The following SGCZ variants were observed in gnomAD, a reference collection of about 807,000 sequenced individuals.
SGCZ encodes the protein sarcoglycan zeta.
A neutral mutation model predicts 41.3 loss-of-function variants in SGCZ; 40 were observed. The ratio of observed to expected loss-of-function variants is 0.97; its 90% CI spans 0.75 to 1.26. The LOEUF (loss-of-function observed/expected upper bound fraction) is 1.26. Among genes scored for constraint, SGCZ ranks in the 50% most tolerant of loss-of-function variants. The pLI is 0.00. For synonymous variants in SGCZ, 206 were observed against 137.5 expected (o/e 1.50, Z -3.49); for missense variants, 552 against 369.8 (o/e 1.49, Z -4.04).
At chr8:14,449,620 G>A (rs1187496157) in intron 2 of SGCZ, among the ~76,000 whole-genome samples, 2 of 152,114 alleles carry the variant, frequency 1.3e-5, no homozygotes, top group South Asian at 2.1e-4. Flanking sequence ...ACAGTATGAA[G>A]CATCCTCATA....
chr8:14,519,640 T>C (rs1181350390), intron 2 of SGCZ, among the ~76,000 whole-genome samples: 1 of 152,122 alleles, frequency 6.6e-6, no homozygotes, highest in Non-Finnish European at 1.5e-5. Context: ...TCCTGGCCTC[T>C]CTACCTTTCT....
intron 1 of SGCZ, among the ~76,000 whole-genome samples, chr8:15,042,812 G>C (rs530135623): frequency 6.6e-6 from 1 of 152,132 alleles, no homozygotes; most frequent in Admixed American, 6.5e-5. Context: ...CAAACAAGAA[G>C]AGTTTTCGCT....
At chr8:15,215,421 C>T (rs1184884848) in intron 1 of SGCZ, among the ~76,000 whole-genome samples, 1 of 152,134 alleles carries the variant, frequency 6.6e-6, no homozygotes, top group Non-Finnish European at 1.5e-5. Flanking sequence ...CATATTTTTA[C>T]AGGCACTGTT....
intron 4 of SGCZ, among the ~76,000 whole-genome samples, chr8:14,180,728 A>C (rs1321598719): frequency 3.9e-5 from 6 of 152,048 alleles, no homozygotes; most frequent in Admixed American, 3.9e-4. Context: ...AACAGGCCTG[A>C]CAAACCCTCA....
At chr8:14,110,359 A>G (rs1247186045) in intron 5 of SGCZ, among the ~76,000 whole-genome samples, 2 of 152,164 alleles carry the variant, frequency 1.3e-5, no homozygotes, top group Non-Finnish European at 2.9e-5. Flanking sequence ...AAACATCGGT[A>G]ATATTTACTT....
chr8:14,413,300 G>A (rs1318205947), intron 2 of SGCZ, among the ~76,000 whole-genome samples: 3 of 151,904 alleles, frequency 2.0e-5, no homozygotes, highest in East Asian at 1.9e-4. Flanking sequence ...CAGAACACAC[G>A]TTGTGTCAGC....
chr8:15,104,447 T>C (rs527420332), intron 1 of SGCZ, among the ~76,000 whole-genome samples: 1 of 152,230 alleles, frequency 6.6e-6, no homozygotes, highest in Non-Finnish European at 1.5e-5. Context: ...CTAATATTTT[T>C]ACACTTTAAA....
chr8:15,098,175 G>A (rs1246008617), intron 1 of SGCZ, among the ~76,000 whole-genome samples: 1 of 151,224 alleles, frequency 6.6e-6, no homozygotes, highest in Non-Finnish European at 1.5e-5. Flanking sequence ...GTTGTAAAAG[G>A]AAATTAAAGG....
chr8:15,109,344 G>A (rs1322430329), intron 1 of SGCZ, among the ~76,000 whole-genome samples: 1 of 152,082 alleles, frequency 6.6e-6, no homozygotes, highest in African/African-American at 2.4e-5. Flanking sequence ...GTTTCTAGAT[G>A]TCACTCGAGC....
chr8:14,324,210 A>G lies in SGCZ; in HGVS notation c.235-6T>C. On this transcript the variant is annotated splice_polypyrimidine_tract_variant and splice_region_variant and intron_variant, in intron 2 of 7. Transcript: ENST00000382080. Reference sequence around the variant, plus strand: ...CTCAGATTTCCCATACCATCCTACAAGCAATGAAATATAGTTCACTTTTAG... The same window carrying G: ...CTCAGATTTCCCATACCATCCTACAGGCAATGAAATATAGTTCACTTTTAG... The G allele has an allele frequency of 6.2e-7, 1 of 1,600,816 alleles. No homozygotes were observed. Among genetic ancestry groups the G allele is most frequent in the Non-Finnish European group, 8.6e-7 (1 of 1,168,596 alleles).
chr8:15,119,055 C>T (rs927368275), intron 1 of SGCZ, among the ~76,000 whole-genome samples: 1 of 152,134 alleles, frequency 6.6e-6, no homozygotes, highest in Non-Finnish European at 1.5e-5. Flanking sequence ...CAATAAATTA[C>T]AATTTGATAC....
chr8:14,694,942 GA>G (rs1263046739), intron 1 of SGCZ, among the ~76,000 whole-genome samples: 2 of 151,846 alleles, frequency 1.3e-5, no homozygotes, highest in Non-Finnish European at 2.9e-5. Context: ...AAAATGAAAA[GA>G]AAAAAATGAT....
chr8:14,829,548 C>A (rs2130595326), intron 1 of SGCZ, among the ~76,000 whole-genome samples: 2 of 152,196 alleles, frequency 1.3e-5, no homozygotes. Flanking sequence ...TATAGCATAA[C>A]CTTTGAACAA....
intron 1 of SGCZ, among the ~76,000 whole-genome samples, chr8:14,628,407 T>G (rs1425220469): frequency 6.6e-6 from 1 of 152,004 alleles, no homozygotes; most frequent in Non-Finnish European, 1.5e-5. Flanking sequence ...GTCAGGAAAC[T>G]CACAACAAAA....
intron 1 of SGCZ, among the ~76,000 whole-genome samples, chr8:14,661,096 T>C (rs1807733297): frequency 2.0e-5 from 3 of 152,150 alleles, no homozygotes; most frequent in African/African-American, 7.2e-5. Context: ...TAGCCTCAGA[T>C]TCTCTTTCTA....
Position 15,052,856 on chromosome 8 carries a change from A to C in SGCZ, c.39+184729T>G, listed in dbSNP as rs567532042. Among the ~76,000 whole-genome samples the C allele has an allele frequency of 2.0e-5, 3 of 152,230 alleles. No homozygotes were observed. The South Asian group carries it at 6.2e-4, about 32-fold the overall frequency. Reference sequence around the variant, plus strand: ...CGTTGAAGGATAATGGCTTCCACTGAACTCTCTATGAAAAACATTGACCTA... The same window carrying C: ...CGTTGAAGGATAATGGCTTCCACTGCACTCTCTATGAAAAACATTGACCTA... On this transcript the variant is annotated intron_variant, in intron 1 of 7. Coordinates refer to ENST00000382080, the MANE Select transcript of SGCZ (RefSeq NM_139167.4).
chr8:14,108,074 T>C (rs1481083092), intron 6 of SGCZ, 89 bp downstream of exon 6: 9 of 907,304 alleles, frequency 9.9e-6, no homozygotes, highest in Admixed American at 3.0e-5. Flanking sequence ...GGAGAAACAT[T>C]TGTCTAGTTG....
chr8:14,171,434 T>C (rs1181565020), intron 4 of SGCZ, among the ~76,000 whole-genome samples: 1 of 152,012 alleles, frequency 6.6e-6, no homozygotes, highest in African/African-American at 2.4e-5. Context: ...ATAACTTGTT[T>C]AGTTGCAGAA....
At chr8:14,713,594 C>A (rs1432657994) in intron 1 of SGCZ, among the ~76,000 whole-genome samples, 1 of 151,024 alleles carries the variant, frequency 6.6e-6, no homozygotes, top group Admixed American at 6.6e-5. Context: ...TTACGAAGAA[C>A]TGTGATTAAT....
Sources: allele counts gnomAD v4.1 joint callset (sites outside exome capture counted in the v4.1 genomes callset), GRCh38; gene constraint gnomAD v4.1.1; transcripts MANE v1.5; gene names NCBI Gene and HGNC (gene_info 2026-07-23, HGNC 2026-07-21).